The following TBC1D5 variants were observed in gnomAD, a reference collection of about 807,000 sequenced individuals.
TBC1D5 encodes TBC1 domain family, member 5.
In TBC1D5, 75 loss-of-function variants were observed where a neutral mutation model predicts 100.3. The observed-to-expected ratio is 0.75, with a 90% CI of 0.62 to 0.91. The LOEUF is 0.91. Ranked by LOEUF, TBC1D5 falls within the 40% of genes least tolerant of loss-of-function variation. TBC1D5 has a pLI of 0.00. For missense variants in TBC1D5, 910 were observed against 942.4 expected (o/e 0.97, Z 0.45); for synonymous variants, 323 against 325.6 (o/e 0.99, Z 0.09).
chr3:17,294,871 T>G (rs1396463488), intron 14 of TBC1D5, among the ~76,000 whole-genome samples: 1 of 152,240 alleles, frequency 6.6e-6, no homozygotes, highest in Non-Finnish European at 1.5e-5. Context: ...ACAGCCAGTT[T>G]AAAGTAGGTA....
chr3:17,517,740 C>T (rs2096009402), intron 2 of TBC1D5, among the ~76,000 whole-genome samples: 1 of 152,090 alleles, frequency 6.6e-6, no homozygotes, highest in African/African-American at 2.4e-5. Context: ...AAAATACATA[C>T]ATACAAATAC....
rs563488869 is a variant in TBC1D5, at chr3:17,707,145, ATAGT to A, written c.-101+32194_-101+32197del. Among the ~76,000 whole-genome samples the A allele has an allele frequency of 4.6e-4, 70 of 152,198 alleles. 1 individual carries two copies. The highest frequency in any genetic ancestry group is 8.8e-4 in the Non-Finnish European group (60 of 67,948). On this transcript the variant is annotated intron_variant, in intron 1 of 21. Transcript: ENST00000253692. ...TGAGATAAATTCAAAGATATCATGA[ATAGT>A]TATTATAACTTTTAACTACACTATA...
rs76312202 is a variant in TBC1D5 at position 17,237,733 on chromosome 3, A to G, written c.1588+430T>C. ...TGAAGCAGCTGGGTGAGAGACTGCA[A>G]GCCTAGTGGCCCACTTTCTCAAAAC... On this transcript the variant is annotated intron_variant, in intron 17 of 21. Transcript: ENST00000253692. 3.6e-4 allele frequency among the ~76,000 whole-genome samples: 55 copies of G among 152,366 alleles called. 3 individuals are homozygous for G. In the East Asian group the frequency reaches 0.011, roughly 29 times the overall value.
intron 3 of TBC1D5, among the ~76,000 whole-genome samples, chr3:17,482,508 T>C (rs2095513308): frequency 6.6e-6 from 1 of 152,200 alleles, no homozygotes; most frequent in Non-Finnish European, 1.5e-5. Flanking sequence ...CTGCTATACT[T>C]TGAAAAGATT....
At chr3:17,497,548 C>T (rs117347138) in intron 3 of TBC1D5, among the ~76,000 whole-genome samples, 2,510 of 152,300 alleles carry the variant, frequency 0.016, 50 homozygotes, top group South Asian at 0.048. Flanking sequence ...ATCATGTCAA[C>T]ATTTCTGATT....
intron 4 of TBC1D5, among the ~76,000 whole-genome samples, chr3:17,418,762 A>G (rs2094142386): frequency 6.6e-6 from 1 of 152,214 alleles, no homozygotes; most frequent in South Asian, 2.1e-4. Context: ...CTGTCTTCAT[A>G]GGTAAGGGCA....
chr3:17,690,148 G>C (rs1269016817), intron 1 of TBC1D5, among the ~76,000 whole-genome samples: 4 of 150,502 alleles, frequency 2.7e-5, no homozygotes, highest in African/African-American at 9.8e-5. Flanking sequence ...AAAGAAATAT[G>C]GAAAAATAAC....
At chr3:17,205,502 C>T (rs534345624) in intron 18 of TBC1D5, among the ~76,000 whole-genome samples, 1 of 152,306 alleles carries the variant, frequency 6.6e-6, no homozygotes, top group South Asian at 2.1e-4. Context: ...CTGATGACAG[C>T]AGAACTGGCT....
At chr3:17,662,685 T>C (rs1175231503) in intron 1 of TBC1D5, among the ~76,000 whole-genome samples, 1 of 152,222 alleles carries the variant, frequency 6.6e-6, no homozygotes, top group Non-Finnish European at 1.5e-5. Context: ...TATTTGCAAC[T>C]GTTATCTGGT....
rs531237237 is a variant in TBC1D5 at position 17,709,929 on chromosome 3, G to A, written c.-101+29414C>T. ...TCTCACCTGCGGCACTACACCCCACGGCCAAGCAACTAGTAGGAAAAGTAT... is the reference window on the plus strand; with the variant it reads ...TCTCACCTGCGGCACTACACCCCACAGCCAAGCAACTAGTAGGAAAAGTAT... On this transcript the variant is annotated intron_variant, in intron 1 of 21. Coordinates refer to ENST00000253692, the Ensembl canonical transcript of TBC1D5. Among the ~76,000 whole-genome samples, 40 of 152,082 alleles carry A rather than the reference G, an allele frequency of 2.6e-4. 2 individuals carry two copies. In the Middle Eastern group the frequency reaches 0.01, roughly 39 times the overall value.
At chr3:17,716,870 T>C (rs968091778) in intron 1 of TBC1D5, among the ~76,000 whole-genome samples, 3 of 152,190 alleles carry the variant, frequency 2.0e-5, no homozygotes, top group Admixed American at 6.5e-5. Context: ...GTGTTTGTTC[T>C]TGATCAAAGA....
Position 17,406,361 on chromosome 3 carries a change from CA to C in TBC1D5, c.276+56del. 3 of 1,453,824 alleles carry C rather than the reference CA, an allele frequency of 2.1e-6. No individual in the cohort carries two copies. The South Asian group carries it at 3.9e-5, about 19-fold the overall frequency. 90.1% of individuals were successfully genotyped at this position (1,453,824 alleles called of 1,614,324 possible). On this transcript the variant is annotated intron_variant, in intron 5 of 21. Coordinates refer to ENST00000253692, the Ensembl canonical transcript of TBC1D5. ...CTGCATGGCTAATCTTCCAGGGCATCAGGTAATGTGTTGATATATTGCAACC... is the reference window on the plus strand; with the variant it reads ...CTGCATGGCTAATCTTCCAGGGCATCGGTAATGTGTTGATATATTGCAACC...
At chr3:17,210,189 A>G (rs2072775909) in intron 18 of TBC1D5, among the ~76,000 whole-genome samples, 1 of 150,688 alleles carries the variant, frequency 6.6e-6, no homozygotes, top group African/African-American at 2.4e-5. Context: ...TTTTTTCAGA[A>G]CTTTTTTTTT....
rs563517590 is a variant in TBC1D5 at position 17,339,209 on chromosome 3, G to GTTA, written c.996-31076_996-31075insTAA. Reference sequence around the variant, plus strand: ...TTATCATGGCACACTATGAAAACTTGATTAATAACACTGAAGATATTGTTG... The same window carrying GTTA: ...TTATCATGGCACACTATGAAAACTTGTTAATTAATAACACTGAAGATATTGTTG... On this transcript the variant is annotated intron_variant, in intron 13 of 21. Transcript: ENST00000253692. Among the ~76,000 whole-genome samples the GTTA allele has an allele frequency of 6.8e-4, 103 of 152,310 alleles. 1 individual carries two copies. The East Asian group carries it at 0.019, about 28-fold the overall frequency.
At chr3:17,590,051 A>C (rs980168953) in intron 2 of TBC1D5, among the ~76,000 whole-genome samples, 1 of 152,168 alleles carries the variant, frequency 6.6e-6, no homozygotes, top group Non-Finnish European at 1.5e-5. Context: ...TGAGATCAGC[A>C]CCCACTCCCC....
At chr3:17,691,253 G>A (rs956189551) in intron 1 of TBC1D5, among the ~76,000 whole-genome samples, 2 of 152,100 alleles carry the variant, frequency 1.3e-5, no homozygotes, top group South Asian at 2.1e-4. Context: ...TAGTCACACC[G>A]ACCCCCGATC....
chr3:17,308,909 A>G (rs1007355880), intron 13 of TBC1D5, among the ~76,000 whole-genome samples: 3 of 152,076 alleles, frequency 2.0e-5, no homozygotes, highest in African/African-American at 7.2e-5. Flanking sequence ...AATAAATGTT[A>G]AACTATTTAT....
chr3:17,691,009 C>T (rs183700286), intron 1 of TBC1D5, among the ~76,000 whole-genome samples: 2 of 152,266 alleles, frequency 1.3e-5, no homozygotes, highest in East Asian at 3.9e-4. Context: ...TACATATAAG[C>T]TATAAATAAA....
At chr3:17,504,661 T>TTGTA (rs1560039600) in intron 3 of TBC1D5, among the ~76,000 whole-genome samples, 1 of 151,892 alleles carries the variant, frequency 6.6e-6, no homozygotes, top group Non-Finnish European at 1.5e-5. Context: ...CACTAAAGAG[T>TTGTA]TGTAAGCCAG....
Sources: allele counts gnomAD v4.1 joint callset (sites outside exome capture counted in the v4.1 genomes callset), GRCh38; gene constraint gnomAD v4.1.1; transcripts MANE v1.5; gene names NCBI Gene and HGNC (gene_info 2026-07-23, HGNC 2026-07-21).